The following SLC71A1 variants were observed in gnomAD, a reference collection of about 807,000 sequenced individuals.
SLC71A1 encodes the protein hippocampus abundant gene transcript 1.
chr1:100,066,923 A>G, the SLC71A1 span, among the ~76,000 whole-genome samples: 2 of 137,950 alleles, frequency 1.4e-5, no homozygotes, highest in Middle Eastern at 3.8e-3. Flanking sequence ...CCGGGGGCGG[A>G]GCCTGCAGTG....
At chr1:100,038,148 G>A in the SLC71A1 span, 3 of 1,223,386 alleles carry the variant, frequency 2.5e-6, no homozygotes, top group Middle Eastern at 2.1e-4. Flanking sequence ...GGCTCGGCCC[G>A]GCAGTAGTGG....
chr1:100,068,862 A>G, the SLC71A1 span, among the ~76,000 whole-genome samples: 2 of 152,112 alleles, frequency 1.3e-5, no homozygotes, highest in Non-Finnish European at 2.9e-5. Context: ...GGGCACCTGT[A>G]ATCCCAGCTA....
At chr1:100,048,333 C>T in the SLC71A1 span, among the ~76,000 whole-genome samples, 2 of 152,284 alleles carry the variant, frequency 1.3e-5, no homozygotes, top group Admixed American at 1.3e-4. Flanking sequence ...GCACACGCCA[C>T]CATGCCCAGC....
chr1:100,046,707 C>T, the SLC71A1 span, among the ~76,000 whole-genome samples: 5 of 152,250 alleles, frequency 3.3e-5, no homozygotes, highest in South Asian at 4.1e-4. Flanking sequence ...TTGATTCTTC[C>T]AATTTATGAA....
the SLC71A1 span, chr1:100,068,062 T>C: frequency 1.9e-6 from 3 of 1,614,202 alleles, no homozygotes; most frequent in Non-Finnish European, 2.5e-6. Context: ...AGCTTGGTGG[T>C]GGTCTTAGCT....
the SLC71A1 span, chr1:100,078,613 C>T: frequency 9.1e-7 from 1 of 1,104,288 alleles, no homozygotes; most frequent in East Asian, 2.4e-5. Flanking sequence ...TGTGTTCTGT[C>T]TCCTATGTAC....
the SLC71A1 span, chr1:100,082,135 A>G: frequency 6.2e-7 from 1 of 1,614,204 alleles, no homozygotes; most frequent in Non-Finnish European, 8.5e-7. Flanking sequence ...GCACTGTGGC[A>G]GTCACAGCCA....
chr1:100,068,082 G>A, the SLC71A1 span: 2 of 1,614,094 alleles, frequency 1.2e-6, no homozygotes, highest in Non-Finnish European at 8.5e-7. Flanking sequence ...TACAGCAATA[G>A]CTTTGCTAGA....
the SLC71A1 span, among the ~76,000 whole-genome samples, chr1:100,039,733 T>A: frequency 9.2e-5 from 14 of 152,198 alleles, no homozygotes; most frequent in Non-Finnish European, 1.0e-4. Context: ...TACAAAATAG[T>A]GGCAATGAAA....
the SLC71A1 span, among the ~76,000 whole-genome samples, chr1:100,071,192 T>C: frequency 6.7e-6 from 1 of 150,090 alleles, no homozygotes; most frequent in African/African-American, 2.5e-5. Context: ...GTGGTTCATG[T>C]CTGTATTCCC....
chr1:100,069,390 T>A, the SLC71A1 span, among the ~76,000 whole-genome samples: 2 of 152,252 alleles, frequency 1.3e-5, no homozygotes, highest in South Asian at 2.1e-4. Flanking sequence ...TTGATAAGTA[T>A]CTCCAATTTA....
At chr1:100,063,299 A>ACAAAG in the SLC71A1 span, among the ~76,000 whole-genome samples, 1 of 127,584 alleles carries the variant, frequency 7.8e-6, no homozygotes, top group African/African-American at 3.7e-5. Context: ...ACAAAACAAA[A>ACAAAG]CAAAAAACAC....
the SLC71A1 span, chr1:100,068,670 T>C: frequency 1.2e-6 from 1 of 837,290 alleles, no homozygotes; most frequent in African/African-American, 1.7e-5. Context: ...AGAACTGTAA[T>C]AGAAGTGGCC....
At chr1:100,068,019 A>G in the SLC71A1 span, 18 of 1,614,074 alleles carry the variant, frequency 1.1e-5, no homozygotes, top group African/African-American at 4.0e-5. Flanking sequence ...CAGTCCTGCA[A>G]TTGGAGCTTA....
the SLC71A1 span, among the ~76,000 whole-genome samples, chr1:100,071,502 G>A: frequency 6.6e-6 from 1 of 152,030 alleles, no homozygotes; most frequent in Non-Finnish European, 1.5e-5. Context: ...TACACAGTTA[G>A]TATGTGTAGA....
At chr1:100,040,943 T>C in the SLC71A1 span, among the ~76,000 whole-genome samples, 5 of 152,200 alleles carry the variant, frequency 3.3e-5, no homozygotes, top group Non-Finnish European at 5.9e-5. Context: ...CTATGGTCGG[T>C]ACATGACAGT....
chr1:100,059,475 C>G, the SLC71A1 span, among the ~76,000 whole-genome samples: 7 of 151,376 alleles, frequency 4.6e-5, no homozygotes, highest in African/African-American at 1.7e-4. Flanking sequence ...ACTCTTGATT[C>G]AGTTTGACAA....
At chr1:100,080,104 C>G in the SLC71A1 span, 1 of 155,414 alleles carries the variant, frequency 6.4e-6, no homozygotes, top group East Asian at 1.9e-4. Flanking sequence ...CCAGTTGACC[C>G]CCCCACTTTA....
At chr1:100,054,275 A>T in the SLC71A1 span, among the ~76,000 whole-genome samples, 2 of 151,532 alleles carry the variant, frequency 1.3e-5, no homozygotes, top group Non-Finnish European at 2.9e-5. Flanking sequence ...ATTCAGTGGC[A>T]CTATCTCGGC....
Sources: gnomAD v4.1 joint callset for allele counts (sites outside exome capture counted in the v4.1 genomes callset) on GRCh38, gnomAD v4.1.1 for gene constraint, MANE v1.5 for transcripts, NCBI Gene and HGNC (gene_info 2026-07-23, HGNC 2026-07-21) for gene names.